COX16: variants seen among roughly 807,000 people sequenced by gnomAD.
The protein encoded by COX16 is cytochrome c oxidase assembly protein COX16 homolog, mitochondrial.
A neutral mutation model predicts 15.4 loss-of-function variants in COX16; 12 were observed. That is an observed-to-expected ratio of 0.78 (90% CI 0.50 to 1.26). COX16 has a LOEUF of 1.26. Among genes scored for constraint, COX16 ranks in the 50% most tolerant of loss-of-function variants. COX16 has a pLI of 0.00. For synonymous variants in COX16, 46 were observed against 41.1 expected (o/e 1.12, Z -0.46); for missense variants, 124 against 127.6 (o/e 0.97, Z 0.14).
At chr14:70,335,116 T>C (rs1245311881) in intron 2 of COX16, among the ~76,000 whole-genome samples, 5 of 152,140 alleles carry the variant, frequency 3.3e-5, no homozygotes, top group African/African-American at 4.8e-5. Context: ...AAGGAAATTA[T>C]ATAATGATAA....
rs113281105 is a variant in COX16, at chr14:70,332,860, G to A, written c.142-3624C>T. On this transcript the variant is annotated intron_variant, in intron 2 of 3. Coordinates refer to ENST00000389912, the MANE Select transcript of COX16 (RefSeq NM_016468.7). The stretch of plus-strand genomic sequence containing the variant: ...GTTGGGAGGCATGCTTGTCTGGTAC[G>A]CTGAGACAGTCTTCTGGACTCAAGT... Among the ~76,000 whole-genome samples the A allele has an allele frequency of 2.0e-3, 299 of 152,340 alleles. 1 individual carries two copies. The highest frequency in any genetic ancestry group is 6.7e-3 in the African/African-American group (280 of 41,574).
At chr14:70,338,551 T>C (rs2332422) in intron 2 of COX16, among the ~76,000 whole-genome samples, 116,500 of 152,146 alleles carry the variant, frequency 0.77, 44,802 homozygotes, top group East Asian at 0.93. Flanking sequence ...ACAGTATACA[T>C]AGGAGGTCAA....
intron 2 of COX16, 63 bp from the exon 3 acceptor site, chr14:70,329,299 T>A (rs1243279964): frequency 6.7e-7 from 1 of 1,490,466 alleles, no homozygotes; most frequent in African/African-American, 1.4e-5. Context: ...AATTTTCAAT[T>A]TTAAGTTATA....
In COX16 at chr14:70,329,171, T is replaced by C; in HGVS notation, c.204+3A>G. 1.2e-6 allele frequency: 2 copies of C among 1,606,906 alleles called. No individual in the cohort carries two copies. The highest frequency in any genetic ancestry group is 1.7e-6 in the Non-Finnish European group (2 of 1,176,476). On this transcript the variant is annotated splice_donor_region_variant and intron_variant, in intron 3 of 3. Transcript: ENST00000389912. ...AGACAGAGACTATATTAACATACCGTACCTCATATTCCGACTCTAAAGATA... is the reference window on the plus strand; with the variant it reads ...AGACAGAGACTATATTAACATACCGCACCTCATATTCCGACTCTAAAGATA...
At chr14:70,336,861 C>T (rs1011253665) in intron 2 of COX16, among the ~76,000 whole-genome samples, 1 of 152,142 alleles carries the variant, frequency 6.6e-6, no homozygotes, top group Non-Finnish European at 1.5e-5. Flanking sequence ...ATCCAATAAT[C>T]TAAAATTTAT....
intron 1 of COX16, among the ~76,000 whole-genome samples, chr14:70,357,473 C>T (rs1257675239): frequency 6.6e-6 from 1 of 152,004 alleles, no homozygotes; most frequent in Non-Finnish European, 1.5e-5. Flanking sequence ...AAAGCATGCC[C>T]AAAAAAGCAT....
At chr14:70,344,188 G>A (rs1365170968) in intron 1 of COX16, among the ~76,000 whole-genome samples, 1 of 152,236 alleles carries the variant, frequency 6.6e-6, no homozygotes, top group Non-Finnish European at 1.5e-5. Flanking sequence ...TTATCCCCAG[G>A]AGCAATTTGG....
At chr14:70,355,563 C>A (rs993053965) in intron 1 of COX16, among the ~76,000 whole-genome samples, 1 of 152,130 alleles carries the variant, frequency 6.6e-6, no homozygotes, top group Non-Finnish European at 1.5e-5. Flanking sequence ...AAATCTGGAA[C>A]CTAAGTTCCA....
intron 1 of COX16, among the ~76,000 whole-genome samples, chr14:70,353,461 A>AATAT (rs1005575805): frequency 6.8e-6 from 1 of 146,800 alleles, no homozygotes. Context: ...CACATATATA[A>AATAT]ATATATATAT....
chr14:70,329,461 C>G (rs1193361133), intron 2 of COX16, among the ~76,000 whole-genome samples: 1 of 151,974 alleles, frequency 6.6e-6, no homozygotes, highest in Non-Finnish European at 1.5e-5. Context: ...ATGTGAGAGG[C>G]ATTTTGACAT....
chr14:70,356,521 T>G (rs1887130242), intron 1 of COX16, among the ~76,000 whole-genome samples: 1 of 152,076 alleles, frequency 6.6e-6, no homozygotes. Context: ...AAGACAAACT[T>G]GAATTTTAAA....
At chr14:70,329,282 TA>T (rs1376823285) in intron 2 of COX16, 46 bp from the exon 3 acceptor site, 2 of 1,547,830 alleles carry the variant, frequency 1.3e-6, no homozygotes, top group Non-Finnish European at 1.8e-6. Context: ...GTCTGTTTGT[TA>T]GACTCAATTT....
In COX16 at chr14:70,325,812, CTGAT is replaced by C. The variant is rs1158998629; in HGVS notation, c.*517_*520del. 6.6e-6 allele frequency: 1 copy of C among 152,246 alleles called. No homozygotes were observed. Among genetic ancestry groups the C allele is most frequent in the South Asian group, 2.1e-4 (1 of 4,814 alleles). 9.4% of individuals were successfully genotyped at this position (152,246 alleles called of 1,614,324 possible). A position where few individuals can be genotyped will look rare whatever the true frequency, so the allele number is the denominator to read the frequency against. Reference sequence around the variant, plus strand: ...TAATTATCATGTGATGCTTTGGAGACTGATTATCATACTATGTGAGGCATTACAA... The same window carrying C: ...TAATTATCATGTGATGCTTTGGAGACTATCATACTATGTGAGGCATTACAA... On this transcript the variant is annotated 3_prime_UTR_variant, in exon 4 of 4. Coordinates refer to ENST00000389912, the MANE Select transcript of COX16 (RefSeq NM_016468.7).
At chr14:70,353,292 T>A (rs940051443) in intron 1 of COX16, among the ~76,000 whole-genome samples, 3 of 149,872 alleles carry the variant, frequency 2.0e-5, no homozygotes, top group Non-Finnish European at 3.0e-5. Flanking sequence ...AAAAAAAATC[T>A]AATTAGCTTT....
At position 70,359,534 on chromosome 14, in the gene COX16, A is replaced by G; in HGVS notation, c.54T>C (p.Tyr18=). 1 of 1,614,042 alleles carries G rather than the reference A, an allele frequency of 6.2e-7. No homozygotes were observed. The highest frequency in any genetic ancestry group is 8.5e-7 in the Non-Finnish European group (1 of 1,179,912). Residue 18 remains tyrosine, a synonymous_variant, in exon 1 of 4, where the codon TAT becomes TAC. Transcript: ENST00000389912. ...CTCCACTCACCAACATGGGGACTCCATAGCCGAGAGTCTTGTTCTTGCGAA... is the reference window on the plus strand; with the variant it reads ...CTCCACTCACCAACATGGGGACTCCGTAGCCGAGAGTCTTGTTCTTGCGAA... ...RAFRKNKTLG[Y]GVPMLLLIVG...
chr14:70,354,627 C>G (rs1003313981), intron 1 of COX16, among the ~76,000 whole-genome samples: 7 of 152,192 alleles, frequency 4.6e-5, no homozygotes, highest in Non-Finnish European at 1.0e-4. Context: ...ATGCAGGACC[C>G]TCCTGGACCT....
At chr14:70,341,156 G>A (rs1886612293) in intron 2 of COX16, among the ~76,000 whole-genome samples, 2 of 152,078 alleles carry the variant, frequency 1.3e-5, no homozygotes, top group Non-Finnish European at 1.5e-5. Context: ...AAAATTCCTT[G>A]ATAAAATAAT....
At chr14:70,328,530 G>C (rs1343160677) in intron 3 of COX16, among the ~76,000 whole-genome samples, 1 of 152,082 alleles carries the variant, frequency 6.6e-6, no homozygotes, top group Non-Finnish European at 1.5e-5. Context: ...CTTGATTTTT[G>C]CTAATTAGAT....
Position 70,357,158 on chromosome 14 carries a change from CAAAAAAAAAAAAAAAAA to C in COX16, c.69+2344_69+2360del, listed in dbSNP as rs4048531. 3.0e-4 allele frequency among the ~76,000 whole-genome samples: 24 copies of C among 78,704 alleles called. 1 individual carries two copies. The highest frequency in any genetic ancestry group is 5.3e-4 in the African/African-American group (11 of 20,710). 51.6% of individuals were successfully genotyped at this position (78,704 alleles called of 152,430 possible). A position where few individuals can be genotyped will look rare whatever the true frequency, so the allele number is the denominator to read the frequency against. On this transcript the variant is annotated intron_variant, in intron 1 of 3. Coordinates refer to ENST00000389912, the MANE Select transcript of COX16 (RefSeq NM_016468.7). ...CAGACTTCTCCTAGGAAGCGTTTGT[CAAAAAAAAAAAAAAAAA>C]AAAAAAAAAAAAAAAATTCAGAGGT...
Sources: allele counts gnomAD v4.1 joint callset (sites outside exome capture counted in the v4.1 genomes callset), GRCh38; gene constraint gnomAD v4.1.1; transcripts MANE v1.5; gene names NCBI Gene and HGNC (gene_info 2026-07-23, HGNC 2026-07-21).